CEP290: variants seen among roughly 807,000 people sequenced by gnomAD.
CEP290 encodes centrosomal protein 290, also known as centrosomal protein of 290 kDa.
In CEP290, 317 loss-of-function variants were observed where a neutral mutation model predicts 344.9. That is an observed-to-expected ratio of 0.92 (90% CI 0.84 to 1.01). The LOEUF (loss-of-function observed/expected upper bound fraction) is 1.01. Ranked by LOEUF, CEP290 falls within the 50% of genes least tolerant of loss-of-function variation. CEP290 has a pLI of 0.00. For missense variants in CEP290, 2,754 were observed against 2,761.4 expected (o/e 1.00, Z 0.06); for synonymous variants, 932 against 895.8 (o/e 1.04, Z -0.72).
At chr12:88,065,021 A>T (rs572381131) in intron 44 of CEP290, among the ~76,000 whole-genome samples, 2 of 152,216 alleles carry the variant, frequency 1.3e-5, no homozygotes, top group South Asian at 4.2e-4. Context: ...ACATTGGGTC[A>T]TTATTTATGT....
chr12:88,129,911 A>G (rs751807392), intron 9 of CEP290, 35 bp from the exon 10 acceptor site: 41 of 1,287,188 alleles, frequency 3.2e-5, no homozygotes, highest in Non-Finnish European at 3.8e-5. Context: ...TTAAAAAGTA[A>G]TTTTAAAAAA....
intron 28 of CEP290, 99 bp downstream of exon 28, chr12:88,093,671 T>C: frequency 2.5e-6 from 2 of 813,222 alleles, no homozygotes; most frequent in East Asian, 2.7e-5. Context: ...ATTAATAAGA[T>C]ATTTCAGAGA....
intron 28 of CEP290, chr12:88,093,496 G>C (rs1234370539): frequency 3.2e-6 from 1 of 316,532 alleles, no homozygotes; most frequent in East Asian, 6.8e-5. Context: ...GTTAAATGAA[G>C]GGATGGTGGT....
At chr12:88,114,695 A>C in intron 19 of CEP290, 133 bp from the exon 20 acceptor site, 1 of 786,990 alleles carries the variant, frequency 1.3e-6, no homozygotes, top group Non-Finnish European at 1.9e-6. Flanking sequence ...AACATACAAA[A>C]AAATTCAACT....
intron 15 of CEP290, among the ~76,000 whole-genome samples, chr12:88,119,445 C>T (rs775356369): frequency 2.6e-5 from 4 of 152,042 alleles, no homozygotes; most frequent in African/African-American, 4.8e-5. Context: ...TTAAAATACT[C>T]GAACAAAGTA....
At position 88,079,213 on chromosome 12, in the gene CEP290, A is replaced by G; in HGVS notation, c.5243T>C (p.Leu1748Pro). Residue 1748 changes from leucine to proline, a missense_variant, in exon 39 of 54, where the codon CTT becomes CCT. Leu to Pro is a moderately conservative substitution (Grantham distance 98). Coordinates refer to ENST00000552810, the MANE Select transcript of CEP290 (RefSeq NM_025114.4). ...TGTCATTTCTGCCCGGAGTTCTAAA[A>G]GTGCCCGACTAAGTGCCTAAAAATT... The part of the protein sequence containing the change: ...EKQQKALSRA[L>P]LELRAEMTAA... 1 of 1,590,728 alleles carries G rather than the reference A, an allele frequency of 6.3e-7. No homozygotes were observed. The highest frequency in any genetic ancestry group is 8.5e-7 in the Non-Finnish European group (1 of 1,172,772).
chr12:88,055,725 T>C lies in CEP290; in HGVS notation c.6819-8A>G. ...AACTTGGTTTCATACATTCTAAAAG[T>C]ATAAGGAAAAAAAGTATAGACATGG... On this transcript the variant is annotated splice_polypyrimidine_tract_variant and splice_region_variant and intron_variant, in intron 49 of 53. Coordinates refer to ENST00000552810, the MANE Select transcript of CEP290 (RefSeq NM_025114.4). 1 of 1,475,920 alleles carries C rather than the reference T, an allele frequency of 6.8e-7. No homozygotes were observed. Among genetic ancestry groups the C allele is most frequent in the East Asian group, 2.5e-5 (1 of 40,696 alleles). 91.4% of individuals were successfully genotyped at this position (1,475,920 alleles called of 1,614,324 possible).
At chr12:88,090,663 C>T (rs1322817811) in intron 30 of CEP290, 65 bp downstream of exon 30, 1 of 977,514 alleles carries the variant, frequency 1.0e-6, no homozygotes, top group Non-Finnish European at 1.6e-6. Context: ...ATCCCACTCC[C>T]AACATCTAAT....
At chr12:88,049,756 T>TA in intron 53 of CEP290, 1 of 168,516 alleles carries the variant, frequency 5.9e-6, no homozygotes, top group Non-Finnish European at 1.3e-5. Flanking sequence ...ACATTGAAGT[T>TA]AGTCTGGTTA....
chr12:88,112,275 T>G (rs1435423442), intron 20 of CEP290, among the ~76,000 whole-genome samples: 1 of 152,120 alleles, frequency 6.6e-6, no homozygotes, highest in African/African-American at 2.4e-5. Context: ...ACAGTCAAAA[T>G]GAGGTATTTT....
At chr12:88,120,564 C>T (rs922946620) in intron 14 of CEP290, among the ~76,000 whole-genome samples, 3 of 152,056 alleles carry the variant, frequency 2.0e-5, no homozygotes, top group African/African-American at 7.2e-5. Flanking sequence ...TTAGTAAAAG[C>T]AAATCAGCAA....
At position 88,080,268 on chromosome 12, in the gene CEP290, CTTCT is replaced by C. The variant is rs995093343; in HGVS notation, c.5136_5139del (p.Glu1713GlnfsTer10). ...GTAGTTGTTGGAGCTCTTGAATTTG[CTTCT>C]TTTTGAGCCTGAAGTTCAGATTTTA... On this transcript the variant is annotated frameshift_variant, in exon 38 of 54. Transcript: ENST00000552810. LOFTEE classifies it high-confidence loss of function. 3 of 1,613,574 alleles carry C rather than the reference CTTCT, an allele frequency of 1.9e-6. No homozygotes were observed. The highest frequency in any genetic ancestry group is 8.5e-7 in the Non-Finnish European group (1 of 1,179,778).
chr12:88,103,343 G>C (rs962377772), intron 25 of CEP290: 2 of 159,942 alleles, frequency 1.3e-5, no homozygotes, highest in Non-Finnish European at 2.7e-5. Context: ...AATTTCTTAT[G>C]ATCGGAAAAC....
chr12:88,071,812 G>T lies in CEP290; in HGVS notation c.5824C>A (p.Gln1942Lys), dbSNP rs763345078. ...KEGEVFTLTK[Q>K]LNTLKDLFAK... ...AAAAGATCCTTCAAAGTATTCAACTGCTTTGTTAAAGTAAAGACTTCCCCC... is the reference window on the plus strand; with the variant it reads ...AAAAGATCCTTCAAAGTATTCAACTTCTTTGTTAAAGTAAAGACTTCCCCC... The change falls in exon 42 of 54, where the codon CAG (glutamine) becomes AAG (lysine). Residue 1942 changes from glutamine to lysine, a missense_variant. Transcript: ENST00000552810. 1.9e-6 allele frequency: 3 copies of T among 1,600,846 alleles called. No homozygotes were observed. The highest frequency in any genetic ancestry group is 1.7e-4 in the Middle Eastern group (1 of 6,018).
chr12:88,114,328 A>G (rs1301892811), intron 20 of CEP290, 92 bp downstream of exon 20: 1 of 1,003,406 alleles, frequency 1.0e-6, no homozygotes, highest in African/African-American at 1.7e-5. Context: ...ATGACTAAAA[A>G]TATCTCATCA....
At position 88,077,642 on chromosome 12, in the gene CEP290, AACT is replaced by A. The variant is rs371749510; in HGVS notation, c.5586+52_5586+54del. ...TAGATAAAATGATAAAGTAGAAATA[AACT>A]ACTACCTCTATATTGTAAATCAGAC... On this transcript the variant is annotated intron_variant, in intron 40 of 53. Transcript: ENST00000552810. The A allele has an allele frequency of 3.9e-5, 40 of 1,035,264 alleles. No individual in the cohort carries two copies. In the African/African-American group the frequency reaches 4.3e-4, roughly 11 times the overall value. The allele number at this position is 1,035,264 out of a possible 1,614,324, so 64.1% of individuals were successfully genotyped here.
chr12:88,071,575 C>A (rs565268623), intron 42 of CEP290, 126 bp from the exon 43 acceptor site: 2 of 905,178 alleles, frequency 2.2e-6, no homozygotes, highest in Non-Finnish European at 1.6e-6. Context: ...TAATTTACAA[C>A]GAGATCACAG....
chr12:88,072,333 CAG>C (rs2035443627), intron 41 of CEP290, among the ~76,000 whole-genome samples: 1 of 152,058 alleles, frequency 6.6e-6, no homozygotes, highest in African/African-American at 2.4e-5. Flanking sequence ...GAGGTCACAT[CAG>C]AATTTTCCAC....
At chr12:88,072,763 A>G (rs2035478082) in intron 41 of CEP290, among the ~76,000 whole-genome samples, 1 of 152,174 alleles carries the variant, frequency 6.6e-6, no homozygotes, top group Admixed American at 6.5e-5. Flanking sequence ...GGCAATAGGA[A>G]TAGAACAAAT....
Sources: gnomAD v4.1 joint callset for allele counts (sites outside exome capture counted in the v4.1 genomes callset) on GRCh38, gnomAD v4.1.1 for gene constraint, MANE v1.5 for transcripts, NCBI Gene and HGNC (gene_info 2026-07-23, HGNC 2026-07-21) for gene names.